RNF216: variants seen among roughly 807,000 people sequenced by gnomAD.
RNF216 encodes E3 ubiquitin-protein ligase RNF216.
A neutral mutation model predicts 110.8 loss-of-function variants in RNF216; 72 were observed. The ratio of observed to expected loss-of-function variants is 0.65; its 90% confidence interval spans 0.54 to 0.79. The LOEUF is 0.79. RNF216 is among the 30% of genes least tolerant of loss of function. RNF216 has a pLI of 0.00. For missense variants in RNF216, 1,342 were observed against 1,141.2 expected, an observed-to-expected ratio of 1.18 and a Z score of -2.54; for synonymous variants, 495 against 407.5, an observed-to-expected ratio of 1.21 and a Z score of -2.59.
chr7:5,679,316 G>C (rs995770954), intron 13 of RNF216, among the ~76,000 whole-genome samples: 7 of 152,226 alleles, frequency 4.6e-5, no homozygotes, highest in African/African-American at 1.7e-4. Flanking sequence ...GGGCCTGTTT[G>C]TCACCATCTA....
intron 2 of RNF216, chr7:5,760,545 C>T: frequency 3.3e-6 from 1 of 307,484 alleles, no homozygotes; most frequent in South Asian, 2.6e-5. Context: ...CAAAACAAAA[C>T]TGTAGAACAA....
intron 16 of RNF216, 40 bp from the exon 17 acceptor site, chr7:5,623,219 C>A (rs765213596): frequency 5.9e-6 from 9 of 1,516,020 alleles, no homozygotes; most frequent in Non-Finnish European, 8.0e-6. Context: ...AAACATTAAA[C>A]CAACCTCAAT....
chr7:5,775,856 G>A (rs952949141), intron 1 of RNF216, among the ~76,000 whole-genome samples: 14 of 151,264 alleles, frequency 9.3e-5, no homozygotes, highest in East Asian at 3.9e-4. Context: ...GTGACAGAGC[G>A]AGATTCCATC....
chr7:5,707,833 C>T (rs1195046291), intron 13 of RNF216, among the ~76,000 whole-genome samples: 1 of 149,294 alleles, frequency 6.7e-6, no homozygotes, highest in East Asian at 2.0e-4. Flanking sequence ...AAGCGATTCT[C>T]TCCTGCCTCA....
intron 13 of RNF216, among the ~76,000 whole-genome samples, chr7:5,695,628 G>A (rs1267503180): frequency 6.6e-6 from 1 of 152,218 alleles, no homozygotes; most frequent in Non-Finnish European, 1.5e-5. Flanking sequence ...TAGCAGTGGT[G>A]CCGAGAGAGA....
intron 13 of RNF216, among the ~76,000 whole-genome samples, chr7:5,688,632 C>T (rs1480388008): frequency 6.6e-6 from 1 of 152,192 alleles, no homozygotes; most frequent in Admixed American, 6.5e-5. Context: ...ACAAAGTGAG[C>T]AGAAGGCTCA....
chr7:5,682,900 A>G (rs1790750013), intron 13 of RNF216, among the ~76,000 whole-genome samples: 1 of 152,188 alleles, frequency 6.6e-6, no homozygotes, highest in Non-Finnish European at 1.5e-5. Context: ...AAAGCTTTGC[A>G]TTGCGTTAAT....
chr7:5,670,393 G>A (rs117358904), intron 13 of RNF216, among the ~76,000 whole-genome samples: 2,789 of 152,278 alleles, frequency 0.018, 38 homozygotes, highest in Non-Finnish European at 0.029. Flanking sequence ...TGTGCATAGA[G>A]GGGCTGCCAA....
chr7:5,701,341 C>T (rs1791957506), intron 13 of RNF216, among the ~76,000 whole-genome samples: 1 of 152,164 alleles, frequency 6.6e-6, no homozygotes, highest in African/African-American at 2.4e-5. Flanking sequence ...TTTCCACCTG[C>T]CCACTTTAGG....
At chr7:5,714,008 T>G (rs774134583) in intron 11 of RNF216, among the ~76,000 whole-genome samples, 7 of 152,320 alleles carry the variant, frequency 4.6e-5, no homozygotes, top group Non-Finnish European at 1.0e-4. Context: ...AAACTTTATT[T>G]ATTTATTTTT....
intron 13 of RNF216, among the ~76,000 whole-genome samples, chr7:5,709,376 C>A (rs770976751): frequency 2.6e-5 from 4 of 152,178 alleles, no homozygotes; most frequent in Non-Finnish European, 4.4e-5. Flanking sequence ...TCACAAATTC[C>A]CCAGCCTTTG....
intron 1 of RNF216, among the ~76,000 whole-genome samples, chr7:5,775,855 C>A (rs978719188): frequency 6.7e-6 from 1 of 149,140 alleles, no homozygotes; most frequent in African/African-American, 2.5e-5. Flanking sequence ...GGTGACAGAG[C>A]GAGATTCCAT....
chr7:5,759,421 C>A (rs922453622), intron 2 of RNF216, among the ~76,000 whole-genome samples: 2 of 152,152 alleles, frequency 1.3e-5, no homozygotes, highest in Non-Finnish European at 2.9e-5. Context: ...TTAGAATGGT[C>A]CACTTCCACT....
At chr7:5,630,895 C>T (rs75610991) in intron 15 of RNF216, among the ~76,000 whole-genome samples, 2,252 of 152,286 alleles carry the variant, frequency 0.015, 49 homozygotes, top group African/African-American at 0.051. Context: ...CAGGCAATCT[C>T]GTCTCAAAGC....
chr7:5,766,561 T>C (rs528998368), intron 1 of RNF216, among the ~76,000 whole-genome samples: 1 of 152,310 alleles, frequency 6.6e-6, no homozygotes, highest in African/African-American at 2.4e-5. Flanking sequence ...AAGGCAGTTG[T>C]CTGAGATCCA....
chr7:5,648,829 G>A (rs1182680932), intron 14 of RNF216, among the ~76,000 whole-genome samples: 1 of 152,038 alleles, frequency 6.6e-6, no homozygotes, highest in Non-Finnish European at 1.5e-5. Flanking sequence ...CATTCTACAG[G>A]CCAATTATCA....
At chr7:5,638,472 C>G (rs939185630) in intron 15 of RNF216, among the ~76,000 whole-genome samples, 5 of 152,124 alleles carry the variant, frequency 3.3e-5, no homozygotes, top group Non-Finnish European at 7.3e-5. Flanking sequence ...CGGATCTGTA[C>G]ACAGTAACTG....
chr7:5,652,646 GA>G (rs1788468965), intron 13 of RNF216, 136 bp from the exon 14 acceptor site: 7 of 640,558 alleles, frequency 1.1e-5, no homozygotes, highest in African/African-American at 7.3e-5. Flanking sequence ...TTTCAGGGGG[GA>G]TATTTCTAAA....
At chr7:5,647,862 C>T (rs1788147648) in intron 14 of RNF216, among the ~76,000 whole-genome samples, 1 of 152,148 alleles carries the variant, frequency 6.6e-6, no homozygotes, top group Non-Finnish European at 1.5e-5. Flanking sequence ...GTGGCTTAGA[C>T]TACTGTAATG....
Sources: gnomAD v4.1 joint callset for allele counts (sites outside exome capture counted in the v4.1 genomes callset) on GRCh38, gnomAD v4.1.1 for gene constraint, MANE v1.5 for transcripts, NCBI Gene and HGNC (gene_info 2026-07-23, HGNC 2026-07-21) for gene names.